CHSY3: variants seen among roughly 807,000 people sequenced by gnomAD.
CHSY3 encodes the protein chondroitin sulfate synthase 3.
Under a neutral mutation model 67.2 loss-of-function variants are expected in CHSY3, and 35 were observed. The ratio of observed to expected loss-of-function variants is 0.52; its 90% CI spans 0.40 to 0.69. The LOEUF is 0.69. Among genes scored for constraint, CHSY3 ranks in the 30% least tolerant of loss-of-function variants. The pLI is 0.00. For synonymous variants in CHSY3, 474 were observed against 434.7 expected (o/e 1.09, Z -1.12); for missense variants, 1,069 against 1,138.5 (o/e 0.94, Z 0.88).
At chr5:129,912,031 G>A (rs1054109840) in intron 2 of CHSY3, among the ~76,000 whole-genome samples, 11 of 152,156 alleles carry the variant, frequency 7.2e-5, no homozygotes, top group African/African-American at 2.2e-4. Context: ...CTCCAGTCTG[G>A]GAGACAGCAA....
intron 2 of CHSY3, among the ~76,000 whole-genome samples, chr5:130,069,805 T>C (rs935500838): frequency 2.0e-5 from 3 of 152,050 alleles, no homozygotes; most frequent in Admixed American, 2.0e-4. Flanking sequence ...TCTCTTACCT[T>C]TATGTTTCTC....
chr5:129,923,004 C>T (rs1332314859), intron 2 of CHSY3, among the ~76,000 whole-genome samples: 1 of 152,188 alleles, frequency 6.6e-6, no homozygotes, highest in Non-Finnish European at 1.5e-5. Flanking sequence ...ATCAGATTAC[C>T]TCTTGATGGC....
intron 2 of CHSY3, among the ~76,000 whole-genome samples, chr5:130,097,571 G>T (rs1028369773): frequency 2.0e-5 from 3 of 152,174 alleles, no homozygotes; most frequent in Non-Finnish European, 4.4e-5. Context: ...TTGGATTTTT[G>T]AAACACTGGT....
intron 2 of CHSY3, among the ~76,000 whole-genome samples, chr5:129,965,407 G>A (rs1762442985): frequency 6.6e-6 from 1 of 151,916 alleles, no homozygotes; most frequent in Non-Finnish European, 1.5e-5. Context: ...AATACAGTAT[G>A]ATGTGGAGCT....
At chr5:130,073,537 G>A (rs1461246395) in intron 2 of CHSY3, among the ~76,000 whole-genome samples, 1 of 152,028 alleles carries the variant, frequency 6.6e-6, no homozygotes, top group East Asian at 1.9e-4. Context: ...ATCAAAAAGA[G>A]AAAGATAACA....
chr5:129,923,271 A>G (rs1760981976), intron 2 of CHSY3, among the ~76,000 whole-genome samples: 2 of 152,116 alleles, frequency 1.3e-5, no homozygotes, highest in South Asian at 2.1e-4. Context: ...GAGATAGGGT[A>G]TAAGAGAAGA....
intron 2 of CHSY3, among the ~76,000 whole-genome samples, chr5:130,087,078 A>G: frequency 6.6e-6 from 1 of 152,182 alleles, no homozygotes; most frequent in East Asian, 1.9e-4. Flanking sequence ...CAAATCAATA[A>G]ATGTAATCCA....
In CHSY3 at chr5:129,904,735, G is replaced by C. The variant is rs1259993273; in HGVS notation, c.-95G>C. The C allele has an allele frequency of 4.1e-6, 5 of 1,231,826 alleles. No homozygotes were observed. Among genetic ancestry groups the C allele is most frequent in the Non-Finnish European group, 5.1e-6 (5 of 988,506 alleles). 76.3% of individuals were successfully genotyped at this position (1,231,826 alleles called of 1,614,324 possible). A position where few individuals can be genotyped will look rare whatever the true frequency, so the allele number is the denominator to read the frequency against. ...AGGCGGCCGGCTGCGGCCGCGGCTG[G>C]GGGCGCAAAGGCGGAGGAGGGGCGG... On this transcript the variant is annotated 5_prime_UTR_variant, in exon 1 of 3. Coordinates refer to ENST00000305031, the MANE Select transcript of CHSY3 (RefSeq NM_175856.5).
intron 2 of CHSY3, among the ~76,000 whole-genome samples, chr5:130,010,617 G>A (rs1470663723): frequency 6.6e-6 from 1 of 152,020 alleles, no homozygotes; most frequent in Non-Finnish European, 1.5e-5. Flanking sequence ...GCTGGCAGAA[G>A]AAAATAAATA....
intron 2 of CHSY3, chr5:130,140,759 A>G: frequency 4.2e-6 from 1 of 238,442 alleles, no homozygotes. Context: ...GTTCACACAC[A>G]AGCACAAGCA....
intron 2 of CHSY3, among the ~76,000 whole-genome samples, chr5:130,035,580 T>C (rs1282958240): frequency 6.6e-6 from 1 of 152,158 alleles, no homozygotes; most frequent in Non-Finnish European, 1.5e-5. Flanking sequence ...ATGAGTGATA[T>C]GACACACATG....
intron 2 of CHSY3, among the ~76,000 whole-genome samples, chr5:130,014,178 A>T (rs1764145095): frequency 6.6e-6 from 1 of 152,196 alleles, no homozygotes; most frequent in Non-Finnish European, 1.5e-5. Flanking sequence ...AAAAGTGTCT[A>T]GGAAGTTCCA....
At chr5:129,926,136 G>A (rs1282141788) in intron 2 of CHSY3, among the ~76,000 whole-genome samples, 1 of 151,870 alleles carries the variant, frequency 6.6e-6, no homozygotes, top group African/African-American at 2.4e-5. Flanking sequence ...CAAATTTGGG[G>A]CCATTAAAGC....
At chr5:130,032,975 C>G (rs778346060) in intron 2 of CHSY3, among the ~76,000 whole-genome samples, 57 of 152,242 alleles carry the variant, frequency 3.7e-4, no homozygotes, top group Non-Finnish European at 7.2e-4. Context: ...GTCCGTCATA[C>G]CAGTCTTGCT....
chr5:130,028,694 T>A (rs1218119642), intron 2 of CHSY3, among the ~76,000 whole-genome samples: 1 of 151,836 alleles, frequency 6.6e-6, no homozygotes. Flanking sequence ...CTGGAAAAAA[T>A]CTCTGTCTCT....
chr5:130,120,853 A>G (rs1767992598), intron 2 of CHSY3, among the ~76,000 whole-genome samples: 1 of 152,212 alleles, frequency 6.6e-6, no homozygotes, highest in Non-Finnish European at 1.5e-5. Flanking sequence ...CAGAGCAACC[A>G]AATGTTAGAA....
intron 2 of CHSY3, among the ~76,000 whole-genome samples, chr5:130,030,120 G>A (rs903555981): frequency 6.6e-6 from 1 of 151,782 alleles, no homozygotes; most frequent in Non-Finnish European, 1.5e-5. Context: ...TAGGTTGATG[G>A]TATGCTGTTT....
rs139191930 is a variant in CHSY3 at position 129,921,009 on chromosome 5, G to A, written c.1086+12649G>A. On this transcript the variant is annotated intron_variant, in intron 2 of 2. Coordinates refer to ENST00000305031, the MANE Select transcript of CHSY3 (RefSeq NM_175856.5). ...AACTTTTTTATTTTTTTGTAGTGACGTGGTTTTGCCACGTTATCCAGGCTG... is the reference window on the plus strand; with the variant it reads ...AACTTTTTTATTTTTTTGTAGTGACATGGTTTTGCCACGTTATCCAGGCTG... Among the ~76,000 whole-genome samples the A allele has an allele frequency of 3.9e-5, 6 of 152,158 alleles. No homozygotes were observed. In the East Asian group the frequency reaches 7.7e-4, roughly 20 times the overall value.
At chr5:130,003,497 G>C (rs1037980929) in intron 2 of CHSY3, among the ~76,000 whole-genome samples, 2 of 152,128 alleles carry the variant, frequency 1.3e-5, no homozygotes, top group African/African-American at 2.4e-5. Flanking sequence ...TCAGTGAAAG[G>C]CCGTGCTGTG....
Sources: gnomAD v4.1 joint callset for allele counts (sites outside exome capture counted in the v4.1 genomes callset) on GRCh38, gnomAD v4.1.1 for gene constraint, MANE v1.5 for transcripts, NCBI Gene and HGNC (gene_info 2026-07-23, HGNC 2026-07-21) for gene names.